AHI1: variants seen among roughly 807,000 people sequenced by gnomAD.
AHI1 encodes Abelson helper integration site 1, also known as jouberin.
Under a neutral mutation model 149.3 loss-of-function variants are expected in AHI1, and 123 were observed. That is an observed-to-expected ratio of 0.82 (90% confidence interval 0.71 to 0.96). The LOEUF (loss-of-function observed/expected upper bound fraction) is 0.96, where lower values mean the gene tolerates loss of function less well. AHI1 is among the 40% of genes least tolerant of loss of function. The pLI, the probability that AHI1 is intolerant of heterozygous loss-of-function variation, is 0.00. For synonymous variants in AHI1, 475 were observed against 459.8 expected (o/e 1.03, Z -0.42); for missense variants, 1,439 against 1,422.7 (o/e 1.01, Z -0.18).
At chr6:135,494,753 T>C (rs957239788) in intron 3 of AHI1, among the ~76,000 whole-genome samples, 16 of 151,924 alleles carry the variant, frequency 1.1e-4, no homozygotes, top group African/African-American at 3.6e-4. Context: ...TCCAAGAAAA[T>C]AAAAAGCCAA....
intron 24 of AHI1, among the ~76,000 whole-genome samples, chr6:135,327,140 T>A (rs763167679): frequency 6.6e-5 from 10 of 152,208 alleles, no homozygotes; most frequent in Non-Finnish European, 1.2e-4. Flanking sequence ...AATAAATTTC[T>A]GCAAAACCAC....
At chr6:135,365,955 A>T (rs924263083) in intron 23 of AHI1, among the ~76,000 whole-genome samples, 3 of 152,176 alleles carry the variant, frequency 2.0e-5, no homozygotes, top group African/African-American at 7.2e-5. Flanking sequence ...TTTGTCACAG[A>T]TGGCTCTTAT....
At position 135,463,252 on chromosome 6, in the gene AHI1, T is replaced by C. The variant is rs35528530; in HGVS notation, c.804A>G (p.Ser268=). The part of the protein sequence containing the change: ...TVEGEQKKES[S]VRSVSSDSHQ... ...GAGAATCTGAAGAAACTGATCTAAC[T>C]GAAGATTCTTTCTTTTGTTCACCTT... Residue 268 remains serine, a synonymous_variant, in exon 8 of 29, where the codon TCA becomes TCG. Transcript: ENST00000265602. The C allele has an allele frequency of 1.2e-6, 2 of 1,610,970 alleles. No individual in the cohort carries two copies. Among genetic ancestry groups the C allele is most frequent in the South Asian group, 2.2e-5 (2 of 90,802 alleles).
At chr6:135,423,945 C>G (rs1352090302) in intron 20 of AHI1, among the ~76,000 whole-genome samples, 1 of 151,968 alleles carries the variant, frequency 6.6e-6, no homozygotes, top group Non-Finnish European at 1.5e-5. Flanking sequence ...CCACTGAAAA[C>G]ACTACATGCA....
intron 15 of AHI1, among the ~76,000 whole-genome samples, chr6:135,435,573 A>G (rs1785274589): frequency 6.6e-6 from 1 of 152,192 alleles, no homozygotes; most frequent in Non-Finnish European, 1.5e-5. Flanking sequence ...CAAAGGGTAC[A>G]AGGGAAGCGC....
chr6:135,329,852 GTGGAAGGTTTA>G (rs1353367379), intron 24 of AHI1, among the ~76,000 whole-genome samples: 2 of 152,202 alleles, frequency 1.3e-5, no homozygotes, highest in Non-Finnish European at 2.9e-5. Context: ...TAACAGGGGT[GTGGAAGGTTTA>G]TTCTGACCCT....
intron 5 of AHI1, among the ~76,000 whole-genome samples, chr6:135,476,047 C>T (rs911560861): frequency 1.3e-5 from 2 of 152,176 alleles, no homozygotes; most frequent in African/African-American, 4.8e-5. Flanking sequence ...AAGGTGAAAG[C>T]TTCAATGATG....
intron 23 of AHI1, among the ~76,000 whole-genome samples, chr6:135,387,412 A>G (rs1777768965): frequency 6.6e-6 from 1 of 152,184 alleles, no homozygotes; most frequent in South Asian, 2.1e-4. Flanking sequence ...TTTTGGCCAG[A>G]TTACACAGAT....
At chr6:135,489,726 A>T (rs1794976201) in intron 5 of AHI1, among the ~76,000 whole-genome samples, 1 of 152,116 alleles carries the variant, frequency 6.6e-6, no homozygotes, top group Non-Finnish European at 1.5e-5. Flanking sequence ...ACATATGTGC[A>T]GCTGGATTTT....
In AHI1 at chr6:135,284,877, C is replaced by T. The variant is rs1413779325; in HGVS notation, c.*768G>A. On this transcript the variant is annotated 3_prime_UTR_variant, in exon 29 of 29. Transcript: ENST00000265602. ...TTGAATGCGCCATATTCTAAAGCTG[C>T]TTATCTTTTTTGTTTTTTGGAGATA... The T allele has an allele frequency of 6.6e-6, 1 of 152,048 alleles. No homozygotes were observed. The highest frequency in any genetic ancestry group is 1.5e-5 in the Non-Finnish European group (1 of 68,026). 9.4% of individuals were successfully genotyped at this position (152,048 alleles called of 1,614,324 possible). A position where few individuals can be genotyped will look rare whatever the true frequency, so the allele number is the denominator to read the frequency against.
intron 23 of AHI1, among the ~76,000 whole-genome samples, chr6:135,363,452 C>G (rs904123232): frequency 6.6e-6 from 1 of 152,200 alleles, no homozygotes; most frequent in African/African-American, 2.4e-5. Context: ...CTACCTCTTT[C>G]TACACAGACA....
At chr6:135,336,790 T>G (rs560960025) in intron 24 of AHI1, among the ~76,000 whole-genome samples, 8 of 152,336 alleles carry the variant, frequency 5.3e-5, no homozygotes, top group African/African-American at 1.7e-4. Context: ...TAGACATGCC[T>G]GTGTATCTGT....
intron 26 of AHI1, chr6:135,306,712 A>C (rs1171416247): frequency 6.6e-6 from 1 of 152,204 alleles, no homozygotes; most frequent in Non-Finnish European, 1.5e-5. Context: ...GCACTAGTGA[A>C]AGAAATGGAC....
At chr6:135,301,280 A>C (rs1783850463) in intron 26 of AHI1, 1 of 981,270 alleles carries the variant, frequency 1.0e-6, no homozygotes, top group Non-Finnish European at 1.2e-6. Context: ...CTCACAAAGA[A>C]AATATAAATT....
At chr6:135,400,147 G>A (rs13208164) in intron 22 of AHI1, among the ~76,000 whole-genome samples, 27,761 of 151,626 alleles carry the variant, frequency 0.18, 3,195 homozygotes, top group Non-Finnish European at 0.26. Context: ...GGAATGCCAC[G>A]AAAAAATAAT....
At chr6:135,420,954 A>G (rs549234857) in intron 20 of AHI1, among the ~76,000 whole-genome samples, 54 of 152,210 alleles carry the variant, frequency 3.5e-4, no homozygotes, top group Non-Finnish European at 7.4e-4. Flanking sequence ...GAAATGTACA[A>G]TTCTTCCTTT....
chr6:135,411,200 G>A lies in AHI1; in HGVS notation c.2961+148C>T, dbSNP rs3818290. 2.0e-3 allele frequency: 1,512 copies of A among 750,138 alleles called. 29 individuals are homozygous for A. In the East Asian group the frequency reaches 0.04, roughly 20 times the overall value. 46.5% of individuals were successfully genotyped at this position (750,138 alleles called of 1,614,324 possible). ...TTGTCTGTTGCAATTAAGGTTTTAG[G>A]AATAAGTACCTGAAAGGAACCATAA... On this transcript the variant is annotated intron_variant, in intron 21 of 28. Transcript: ENST00000265602.
In AHI1 at chr6:135,488,591, A is replaced by G. The variant is rs181230167; in HGVS notation, c.135+2032T>C. ...TCTCATGTGCAAAAAAAGAATCCCA[A>G]TATCTATCTTGCATGATTAACATGA... is the stretch of plus-strand genomic sequence containing the variant. On this transcript the variant is annotated intron_variant, in intron 5 of 28. Coordinates refer to ENST00000265602, the MANE Select transcript of AHI1 (RefSeq NM_001134831.2). 9.2e-5 allele frequency among the ~76,000 whole-genome samples: 14 copies of G among 152,302 alleles called. No individual in the cohort carries two copies. In the East Asian group the frequency reaches 2.5e-3, roughly 27 times the overall value.
chr6:135,425,197 C>T (rs1004217924), intron 20 of AHI1, among the ~76,000 whole-genome samples: 1 of 151,778 alleles, frequency 6.6e-6, no homozygotes, highest in Non-Finnish European at 1.5e-5. Flanking sequence ...TGATATATTG[C>T]ACAAATAATT....
Sources: gnomAD v4.1 joint callset for allele counts (sites outside exome capture counted in the v4.1 genomes callset) on GRCh38, gnomAD v4.1.1 for gene constraint, MANE v1.5 for transcripts, NCBI Gene and HGNC (gene_info 2026-07-23, HGNC 2026-07-21) for gene names.